The following PACRGL variants were observed in gnomAD, a reference collection of about 807,000 sequenced individuals.
The protein encoded by PACRGL is parkin coregulated like.
A neutral mutation model predicts 34.5 loss-of-function variants in PACRGL; 38 were observed. That is an observed-to-expected ratio of 1.10 (90% CI 0.85 to 1.44). The LOEUF (loss-of-function observed/expected upper bound fraction) is 1.44, where lower values mean the gene tolerates loss of function less well. PACRGL is among the 40% of genes most tolerant of loss of function. The pLI is 0.00. For missense variants in PACRGL, 305 were observed against 281.4 expected, an observed-to-expected ratio of 1.08 and a Z score of -0.60; for synonymous variants, 128 against 100.1, an observed-to-expected ratio of 1.28 and a Z score of -1.66.
the PACRGL span, among the ~76,000 whole-genome samples, chr4:20,764,399 T>C: frequency 6.6e-6 from 1 of 152,128 alleles, no homozygotes; most frequent in Non-Finnish European, 1.5e-5. Context: ...GAACTTACCA[T>C]ACTGTTGCAT....
intron 7 of PACRGL, among the ~76,000 whole-genome samples, chr4:20,724,551 G>GCTATTTTATAGAATATAAAGGTTT: frequency 6.6e-6 from 1 of 152,228 alleles, no homozygotes; most frequent in East Asian, 1.9e-4. Flanking sequence ...CACAAAATAT[G>GCTATTTTATAGAATATAAAGGTTT]CTATTTTATA....
rs963601959 is a variant in PACRGL at position 20,727,226 on chromosome 4, A to G, written c.691-59A>G. The G allele has an allele frequency of 7.8e-6, 11 of 1,417,608 alleles. No individual in the cohort carries two copies. The South Asian group carries it at 8.3e-5, about 11-fold the overall frequency. 87.8% of individuals were successfully genotyped at this position (1,417,608 alleles called of 1,614,324 possible). On this transcript the variant is annotated intron_variant, in intron 8 of 8. Coordinates refer to ENST00000503585, the MANE Select transcript of PACRGL (RefSeq NM_001258345.3). ...TTCTAGGCATATTCCTGCAAATATA[A>G]TACCTATTAGGGGAACTCTGCATGA...
Position 20,731,334 on chromosome 4 carries a change from A to T in PACRGL, c.*3993A>T, listed in dbSNP as rs1204358684. 6.4e-6 allele frequency: 6 copies of T among 940,132 alleles called. No individual in the cohort carries two copies. The Admixed American group carries it at 3.7e-4, about 58-fold the overall frequency. The allele number at this position is 940,132 out of a possible 1,614,324, so 58.2% of individuals were successfully genotyped here. A position where few individuals can be genotyped will look rare whatever the true frequency, so the allele number is the denominator to read the frequency against. On this transcript the variant is annotated 3_prime_UTR_variant, in exon 9 of 9. Coordinates refer to ENST00000503585, the MANE Select transcript of PACRGL (RefSeq NM_001258345.3). ...AGTTATCTTCCCGCCTCAGCCTCCC[A>T]TAGTGCTGGGATTACAGTTGTGAGC... is the stretch of plus-strand genomic sequence containing the variant.
downstream of PACRGL, among the ~76,000 whole-genome samples, chr4:20,754,378 G>C (rs139672006): frequency 1.3e-5 from 2 of 152,212 alleles, no homozygotes; most frequent in African/African-American, 4.8e-5. Flanking sequence ...ACCCATCAAT[G>C]TTACTGTTCA....
At chr4:20,712,481 G>A (rs766228727) in intron 5 of PACRGL, among the ~76,000 whole-genome samples, 4 of 151,894 alleles carry the variant, frequency 2.6e-5, no homozygotes, top group Non-Finnish European at 4.4e-5. Context: ...GTAATCTAGA[G>A]ATTATTTAAA....
chr4:20,743,532 T>C (rs1269122301), intron 8 of PACRGL, among the ~76,000 whole-genome samples: 1 of 152,178 alleles, frequency 6.6e-6, no homozygotes, highest in African/African-American at 2.4e-5. Context: ...GGATTCCCTA[T>C]TTAATAAATG....
In PACRGL at chr4:20,722,436, T is replaced by C. The variant is rs1743781791; in HGVS notation, c.610-2372T>C. 1.3e-5 allele frequency among the ~76,000 whole-genome samples: 2 copies of C among 152,242 alleles called. 1 individual carries two copies. The highest frequency in any genetic ancestry group is 2.9e-5 in the Non-Finnish European group (2 of 68,040). ...GTCACTCACGCTGGGAGCTGTAGACTGGAGCTCTTCCTATTCGGCCATCTT... is the reference window on the plus strand; with the variant it reads ...GTCACTCACGCTGGGAGCTGTAGACCGGAGCTCTTCCTATTCGGCCATCTT... On this transcript the variant is annotated intron_variant, in intron 7 of 8. Coordinates refer to ENST00000503585, the MANE Select transcript of PACRGL (RefSeq NM_001258345.3).
chr4:20,724,147 C>T (rs1343006374), intron 7 of PACRGL, among the ~76,000 whole-genome samples: 1 of 152,162 alleles, frequency 6.6e-6, no homozygotes, highest in Non-Finnish European at 1.5e-5. Context: ...ATGTATGGGA[C>T]TTTAAAGAGG....
At position 20,726,193 on chromosome 4, in the gene PACRGL, T is replaced by C. The variant is rs189764453; in HGVS notation, c.691-1092T>C. ...GGGGTGTGGAGGAGGAGATAGTATATGTGTAAATAAAGTTTAGAAACGGCA... is the reference window on the plus strand; with the variant it reads ...GGGGTGTGGAGGAGGAGATAGTATACGTGTAAATAAAGTTTAGAAACGGCA... On this transcript the variant is annotated intron_variant, in intron 8 of 8. Coordinates refer to ENST00000503585, the MANE Select transcript of PACRGL (RefSeq NM_001258345.3). Among the ~76,000 whole-genome samples the C allele has an allele frequency of 2.4e-3, 359 of 152,086 alleles. 8 individuals are homozygous for C. In the South Asian group the frequency reaches 0.047, roughly 20 times the overall value.
At chr4:20,699,465 C>T (rs1305757252), upstream of PACRGL, among the ~76,000 whole-genome samples, 1 of 152,032 alleles carries the variant, frequency 6.6e-6, no homozygotes, top group East Asian at 1.9e-4. Flanking sequence ...AGTTGAATAC[C>T]CACTGCATTA....
the PACRGL span, chr4:20,758,773 A>C: frequency 7.0e-7 from 1 of 1,433,558 alleles, no homozygotes; most frequent in South Asian, 1.2e-5. Flanking sequence ...CACTGCAAGC[A>C]TAATTGTAAC....
downstream of PACRGL, among the ~76,000 whole-genome samples, chr4:20,737,499 T>C (rs1310384781): frequency 6.6e-6 from 1 of 151,750 alleles, no homozygotes; most frequent in Non-Finnish European, 1.5e-5. Flanking sequence ...CATGGGTAGA[T>C]GGGCCGATCT....
chr4:20,736,054 T>C (rs567716567), downstream of PACRGL, among the ~76,000 whole-genome samples: 3 of 152,326 alleles, frequency 2.0e-5, no homozygotes, highest in East Asian at 3.9e-4. Flanking sequence ...AACATCCATA[T>C]AGTTCAACAT....
Position 20,715,169 on chromosome 4 carries a change from A to G in PACRGL, c.609+1630A>G, listed in dbSNP as rs936995442. On this transcript the variant is annotated intron_variant, in intron 7 of 8. Transcript: ENST00000503585. ...ATCATCATTCTCAGTAAACTGTCACAAGGACAAAAAACCAAACACCGCATG... is the reference window on the plus strand; with the variant it reads ...ATCATCATTCTCAGTAAACTGTCACGAGGACAAAAAACCAAACACCGCATG... Among the ~76,000 whole-genome samples the G allele has an allele frequency of 7.2e-5, 11 of 152,328 alleles. No individual in the cohort carries two copies. In the East Asian group the frequency reaches 7.7e-4, roughly 11 times the overall value.
intron 3 of PACRGL, among the ~76,000 whole-genome samples, chr4:20,705,637 T>G (rs1003853705): frequency 5.3e-5 from 8 of 152,122 alleles, no homozygotes; most frequent in Non-Finnish European, 7.3e-5. Context: ...CTTCCTTTGC[T>G]TATGTTTAGT....
downstream of PACRGL, among the ~76,000 whole-genome samples, chr4:20,734,936 T>C (rs182204635): frequency 1.1e-3 from 161 of 152,256 alleles, no homozygotes; most frequent in African/African-American, 3.4e-3. Context: ...ATATTCTAAT[T>C]GGAAACTGAG....
chr4:20,701,866 A>G (rs1449500914), intron 1 of PACRGL: 2 of 456,584 alleles, frequency 4.4e-6, no homozygotes, highest in Non-Finnish European at 8.8e-6. Context: ...CGGAGAGCCA[A>G]CTGTAATTTG....
chr4:20,740,824 C>A (rs962954650), intron 8 of PACRGL, among the ~76,000 whole-genome samples: 1 of 152,012 alleles, frequency 6.6e-6, no homozygotes, highest in African/African-American at 2.4e-5. Flanking sequence ...TTCAGGAGAC[C>A]CATCTCGCCT....
chr4:20,712,980 T>C, intron 6 of PACRGL, 58 bp downstream of exon 6: 2 of 1,410,000 alleles, frequency 1.4e-6, no homozygotes, highest in Admixed American at 2.5e-5. Flanking sequence ...AAGAAAGCTG[T>C]AATATATTTA....
Sources: allele counts gnomAD v4.1 joint callset (sites outside exome capture counted in the v4.1 genomes callset), GRCh38; gene constraint gnomAD v4.1.1; transcripts MANE v1.5; gene names NCBI Gene and HGNC (gene_info 2026-07-23, HGNC 2026-07-21).